ASAH2: variants seen among roughly 807,000 people sequenced by gnomAD.
The protein encoded by ASAH2 is neutral ceramidase.
ASAH2 carries 58 observed loss-of-function variants against 82.9 expected under a neutral mutation model. The ratio of observed to expected loss-of-function variants is 0.70; its 90% CI spans 0.57 to 0.87. ASAH2 has a LOEUF of 0.87. ASAH2 is among the 40% of genes least tolerant of loss of function. The pLI is 0.00. For synonymous variants in ASAH2, 276 were observed against 289.7 expected (o/e 0.95, Z 0.48); for missense variants, 779 against 834.0 (o/e 0.93, Z 0.81).
chr10:50,205,746 T>A (rs1845275841), intron 13 of ASAH2, among the ~76,000 whole-genome samples: 2 of 151,992 alleles, frequency 1.3e-5, no homozygotes, highest in South Asian at 4.1e-4. Context: ...CCTTTCCCAC[T>A]GTCCTAATTG....
intron 6 of ASAH2, 27 bp downstream of exon 6, chr10:50,234,398 G>C: frequency 6.2e-7 from 1 of 1,612,592 alleles, no homozygotes. Context: ...GGAATGAAAC[G>C]ATTTCATTTT....
intron 4 of ASAH2, among the ~76,000 whole-genome samples, chr10:50,237,365 C>A (rs1338294258): frequency 1.3e-5 from 2 of 152,310 alleles, no homozygotes; most frequent in East Asian, 3.9e-4. Flanking sequence ...GAAGTAATTT[C>A]TTCCACCTTG....
At chr10:50,220,234 G>T (rs1845705709) in intron 7 of ASAH2, among the ~76,000 whole-genome samples, 4 of 152,170 alleles carry the variant, frequency 2.6e-5, no homozygotes, top group Admixed American at 2.6e-4. Context: ...TGTAATAAAT[G>T]ATTGGGGTTA....
At chr10:50,233,316 T>C (rs916985797) in intron 6 of ASAH2, 55 bp from the exon 7 acceptor site, 1 of 1,304,674 alleles carries the variant, frequency 7.7e-7, no homozygotes, top group Non-Finnish European at 1.1e-6. Context: ...CTAACCCTCA[T>C]GTAAGATGAA....
At chr10:50,193,310 A>G (rs1350145716) in intron 18 of ASAH2, among the ~76,000 whole-genome samples, 7 of 151,760 alleles carry the variant, frequency 4.6e-5, no homozygotes, top group African/African-American at 1.7e-4. Context: ...CGGCAGAAGG[A>G]GGAGAATTCA....
At chr10:50,209,774 G>A (rs1223983105) in intron 12 of ASAH2, among the ~76,000 whole-genome samples, 3 of 152,060 alleles carry the variant, frequency 2.0e-5, no homozygotes, top group Non-Finnish European at 4.4e-5. Flanking sequence ...TGGTTAATAC[G>A]CACATGAAAA....
At chr10:50,236,165 A>C in intron 4 of ASAH2, 101 bp from the exon 5 acceptor site, 2 of 1,002,442 alleles carry the variant, frequency 2.0e-6, no homozygotes, top group Non-Finnish European at 3.2e-6. Context: ...TACCAATAAC[A>C]TCTGTATTAG....
At chr10:50,194,195 C>T (rs1475111612) in intron 18 of ASAH2, among the ~76,000 whole-genome samples, 1 of 151,252 alleles carries the variant, frequency 6.6e-6, no homozygotes, top group East Asian at 1.9e-4. Flanking sequence ...ATACCAAAGG[C>T]AAAGACAACA....
intron 9 of ASAH2, among the ~76,000 whole-genome samples, chr10:50,213,267 C>T (rs991362725): frequency 2.0e-5 from 3 of 152,104 alleles, no homozygotes; most frequent in South Asian, 2.1e-4. Context: ...TATTCTGGAG[C>T]CTTTCTTTTA....
chr10:50,207,533 A>G (rs1320116747), intron 12 of ASAH2, among the ~76,000 whole-genome samples: 2 of 151,742 alleles, frequency 1.3e-5, no homozygotes, highest in East Asian at 3.9e-4. Flanking sequence ...AAGGAAAACT[A>G]TAAGTAGTTG....
chr10:50,230,097 C>T (rs1455881905), intron 7 of ASAH2, among the ~76,000 whole-genome samples: 1 of 152,114 alleles, frequency 6.6e-6, no homozygotes, highest in Non-Finnish European at 1.5e-5. Flanking sequence ...ATTCCAGTAG[C>T]ACAAACATGG....
intron 7 of ASAH2, among the ~76,000 whole-genome samples, chr10:50,226,974 G>T (rs1845903151): frequency 1.3e-5 from 2 of 152,002 alleles, no homozygotes; most frequent in South Asian, 4.1e-4. Context: ...TTTAAAAATA[G>T]CTATCAATCC....
chr10:50,207,457 A>C (rs939059906), intron 12 of ASAH2, among the ~76,000 whole-genome samples: 3 of 151,824 alleles, frequency 2.0e-5, no homozygotes, highest in African/African-American at 7.2e-5. Flanking sequence ...CAGAGAGAAG[A>C]CTTAAATTAT....
At chr10:50,218,689 A>C in intron 7 of ASAH2, 59 bp from the exon 8 acceptor site, 1 of 1,604,004 alleles carries the variant, frequency 6.2e-7, no homozygotes. Context: ...GGGGCCAAGA[A>C]CTATGACTGG....
In ASAH2 at chr10:50,213,011, G is replaced by T. The variant is rs1845499924; in HGVS notation, c.1188C>A (p.Ser396Arg). The change falls in exon 10 of 21, where the codon AGC (serine) becomes AGA (arginine). Residue 396 changes from serine to arginine, a missense_variant. By Grantham distance (110) the Ser-to-Arg change is moderately radical. Around this residue, in one of 3 missense-constraint regions of ASAH2, gnomAD observed 759 missense variants for 755.2 expected, o/e 1.00. Coordinates refer to ENST00000682911, the MANE Select transcript of ASAH2 (RefSeq NM_019893.4). The part of the protein sequence containing the change: ...AKGPGQDMFD[S>R]TQIIGRAMYQ... ...ACATGGCCCGTCCTATAATTTGTGT[G>T]CTGTCAAACATATCCTGTCCAGGTC... 1.9e-6 allele frequency: 3 copies of T among 1,613,768 alleles called. No homozygotes were observed. Among genetic ancestry groups the T allele is most frequent in the Non-Finnish European group, 8.5e-7 (1 of 1,179,736 alleles).
intron 7 of ASAH2, among the ~76,000 whole-genome samples, chr10:50,230,623 C>T (rs1363228083): frequency 3.3e-5 from 5 of 152,126 alleles, no homozygotes; most frequent in Admixed American, 2.0e-4. Context: ...GATGGAAAAG[C>T]TTTGCTATAA....
intron 7 of ASAH2, among the ~76,000 whole-genome samples, chr10:50,219,748 CA>C (rs1403083682): frequency 5.3e-5 from 8 of 152,344 alleles, no homozygotes; most frequent in African/African-American, 1.9e-4. Context: ...TATTGCCTAT[CA>C]GAAGCAGATG....
intron 4 of ASAH2, among the ~76,000 whole-genome samples, chr10:50,239,341 C>T (rs1033723295): frequency 4.6e-5 from 7 of 152,256 alleles, no homozygotes; most frequent in African/African-American, 1.7e-4. Context: ...ACAGCCTTCC[C>T]ACTGGGTCTC....
At chr10:50,248,969 T>C (rs1846545245) in intron 1 of ASAH2, among the ~76,000 whole-genome samples, 1 of 152,248 alleles carries the variant, frequency 6.6e-6, no homozygotes, top group Non-Finnish European at 1.5e-5. Flanking sequence ...CTTTCATTTA[T>C]GGCGATGATG....
Sources: allele counts gnomAD v4.1 joint callset (sites outside exome capture counted in the v4.1 genomes callset), GRCh38; gene constraint gnomAD v4.1.1; regional missense constraint gnomAD v4.1.1; transcripts MANE v1.5; gene names NCBI Gene and HGNC (gene_info 2026-07-23, HGNC 2026-07-21).